The following GRM1 variants were observed in gnomAD, a reference collection of about 807,000 sequenced individuals.
GRM1 encodes the protein glutamate metabotropic receptor 1.
GRM1 carries 33 observed loss-of-function variants against 90.9 expected under a neutral mutation model. That is an observed-to-expected ratio of 0.36 (90% CI 0.28 to 0.49). The LOEUF is 0.49. Ranked by LOEUF, GRM1 falls within the 20% of genes least tolerant of loss-of-function variation. GRM1 has a pLI of 0.99. For missense variants in GRM1, 1,190 were observed against 1,534.3 expected (o/e 0.78, Z 3.75); for synonymous variants, 700 against 613.2 (o/e 1.14, Z -2.09).
At chr6:146,144,040 G>T (rs1776997084) in intron 1 of GRM1, among the ~76,000 whole-genome samples, 1 of 152,164 alleles carries the variant, frequency 6.6e-6, no homozygotes, top group South Asian at 2.1e-4. Context: ...TTACAGACTA[G>T]GAGGCTTAAA....
chr6:146,311,820 C>A (rs911014247), intron 3 of GRM1, among the ~76,000 whole-genome samples: 1 of 151,892 alleles, frequency 6.6e-6, no homozygotes, highest in Admixed American at 6.6e-5. Flanking sequence ...TGATAGGTAA[C>A]AATACTTTGT....
At chr6:146,251,542 G>T (rs1456749982) in intron 2 of GRM1, among the ~76,000 whole-genome samples, 1 of 152,124 alleles carries the variant, frequency 6.6e-6, no homozygotes, top group African/African-American at 2.4e-5. Flanking sequence ...TATATATCTG[G>T]CAGGTCCTAC....
chr6:146,105,164 T>C (rs1325545756), intron 1 of GRM1, among the ~76,000 whole-genome samples: 1 of 152,206 alleles, frequency 6.6e-6, no homozygotes, highest in African/African-American at 2.4e-5. Context: ...TCAGAATCAT[T>C]GTGACTTTTG....
chr6:146,188,109 C>T (rs974398154), intron 2 of GRM1, among the ~76,000 whole-genome samples: 8 of 152,048 alleles, frequency 5.3e-5, no homozygotes, highest in Non-Finnish European at 1.2e-4. Flanking sequence ...TTACAGCTAC[C>T]ATACATTATA....
At chr6:146,400,432 G>T (rs988976450) in intron 7 of GRM1, among the ~76,000 whole-genome samples, 1 of 152,112 alleles carries the variant, frequency 6.6e-6, no homozygotes, top group Non-Finnish European at 1.5e-5. Context: ...AGGGAACCAG[G>T]TGATAAGCCC....
intron 6 of GRM1, among the ~76,000 whole-genome samples, chr6:146,396,038 A>G (rs1267897445): frequency 6.7e-6 from 1 of 148,768 alleles, no homozygotes; most frequent in East Asian, 1.9e-4. Context: ...GGCCAATGTT[A>G]TTTTAAATAT....
chr6:146,311,039 G>T (rs985942933), intron 3 of GRM1, among the ~76,000 whole-genome samples: 1 of 152,174 alleles, frequency 6.6e-6, no homozygotes. Context: ...AGCAATAGTT[G>T]GTTTAATTAA....
At chr6:146,219,585 G>T (rs1779986313) in intron 2 of GRM1, among the ~76,000 whole-genome samples, 5 of 151,954 alleles carry the variant, frequency 3.3e-5, no homozygotes, top group Non-Finnish European at 7.4e-5. Flanking sequence ...ATATTGGTAT[G>T]TAAGACATAG....
chr6:146,395,106 C>T (rs1170376476), intron 6 of GRM1, among the ~76,000 whole-genome samples: 1 of 151,990 alleles, frequency 6.6e-6, no homozygotes, highest in Non-Finnish European at 1.5e-5. Flanking sequence ...CTTCCATAGG[C>T]TCCCAAACCA....
intron 5 of GRM1, among the ~76,000 whole-genome samples, chr6:146,367,618 A>G (rs550916486): frequency 1.3e-5 from 2 of 152,178 alleles, no homozygotes; most frequent in South Asian, 4.1e-4. Flanking sequence ...CTTCATGTCC[A>G]TGTTTACCGA....
At chr6:146,328,556 A>G (rs1457947039) in intron 3 of GRM1, among the ~76,000 whole-genome samples, 1 of 152,206 alleles carries the variant, frequency 6.6e-6, no homozygotes, top group African/African-American at 2.4e-5. Flanking sequence ...TTAAATAGTA[A>G]TATTATCTTA....
At chr6:146,059,906 C>T (rs1321341196) in intron 1 of GRM1, among the ~76,000 whole-genome samples, 1 of 152,180 alleles carries the variant, frequency 6.6e-6, no homozygotes, top group Admixed American at 6.6e-5. Context: ...AGAGTTAGAG[C>T]TCTGCTCTGG....
At chr6:146,127,102 A>T (rs1483670771) in intron 1 of GRM1, among the ~76,000 whole-genome samples, 1 of 152,198 alleles carries the variant, frequency 6.6e-6, no homozygotes, top group Non-Finnish European at 1.5e-5. Flanking sequence ...TCTTCATATT[A>T]AATTTGCCTT....
intron 1 of GRM1, among the ~76,000 whole-genome samples, chr6:146,094,057 A>T (rs1449910056): frequency 2.0e-5 from 3 of 152,070 alleles, no homozygotes; most frequent in Non-Finnish European, 4.4e-5. Context: ...TATAAAAACA[A>T]CCCCTAAGTA....
chr6:146,283,377 G>A (rs942959612), intron 2 of GRM1, among the ~76,000 whole-genome samples: 5 of 152,164 alleles, frequency 3.3e-5, no homozygotes, highest in Admixed American at 3.3e-4. Flanking sequence ...TTATGCTGTT[G>A]GGTATGTGGA....
intron 2 of GRM1, among the ~76,000 whole-genome samples, chr6:146,250,026 G>A (rs1011673117): frequency 2.6e-5 from 4 of 152,156 alleles, no homozygotes; most frequent in African/African-American, 7.2e-5. Flanking sequence ...CTTTGTTTTG[G>A]CCAATTTCTC....
chr6:146,111,426 G>A (rs183652709), intron 1 of GRM1, among the ~76,000 whole-genome samples: 51 of 152,322 alleles, frequency 3.3e-4, no homozygotes, highest in African/African-American at 1.1e-3. Flanking sequence ...CTGTGAGAGA[G>A]ATAGGCAAGT....
At chr6:146,164,571 T>G (rs1216968559) in intron 2 of GRM1, among the ~76,000 whole-genome samples, 2 of 152,172 alleles carry the variant, frequency 1.3e-5, no homozygotes, top group Non-Finnish European at 2.9e-5. Context: ...AATCAGCCTG[T>G]ATCTGAACAA....
intron 1 of GRM1, among the ~76,000 whole-genome samples, chr6:146,073,364 G>A (rs1776079850): frequency 6.6e-6 from 1 of 152,116 alleles, no homozygotes; most frequent in African/African-American, 2.4e-5. Context: ...AAAAGGAGAG[G>A]ATTGGACTTT....
Sources: gnomAD v4.1 joint callset for allele counts (sites outside exome capture counted in the v4.1 genomes callset) on GRCh38, gnomAD v4.1.1 for gene constraint, MANE v1.5 for transcripts, NCBI Gene and HGNC (gene_info 2026-07-23, HGNC 2026-07-21) for gene names.